The following NXPH1 variants were observed in gnomAD, a reference collection of about 807,000 sequenced individuals.
NXPH1 encodes the protein neurexophilin 1.
Under a neutral mutation model 23.7 loss-of-function variants are expected in NXPH1, and 5 were observed. The ratio of observed to expected loss-of-function variants is 0.21; its 90% CI spans 0.11 to 0.44. The LOEUF (loss-of-function observed/expected upper bound fraction) is 0.44, where lower values mean the gene tolerates loss of function less well. Among genes scored for constraint, NXPH1 ranks in the 20% least tolerant of loss-of-function variants. NXPH1 has a pLI of 0.99. For synonymous variants in NXPH1, 144 were observed against 122.2 expected (o/e 1.18, Z -1.18); for missense variants, 324 against 321.6 (o/e 1.01, Z -0.06).
chr7:8,517,898 T>G (rs1426462894), intron 2 of NXPH1, among the ~76,000 whole-genome samples: 1 of 152,158 alleles, frequency 6.6e-6, no homozygotes, highest in Non-Finnish European at 1.5e-5. Flanking sequence ...GGACCATGTT[T>G]TGGTGAACAG....
chr7:8,509,032 G>C (rs1241640744), intron 2 of NXPH1, among the ~76,000 whole-genome samples: 1 of 152,010 alleles, frequency 6.6e-6, no homozygotes, highest in Non-Finnish European at 1.5e-5. Context: ...CTTGTTTTTA[G>C]ATGACCAAAT....
In NXPH1 at chr7:8,435,870, G is replaced by A; in HGVS notation, c.54+103G>A. On this transcript the variant is annotated intron_variant, in intron 2 of 2. Coordinates refer to ENST00000405863, the MANE Select transcript of NXPH1 (RefSeq NM_152745.3). This position sits in a 1 kb window ranked among gnomAD's most constrained non-coding sequence, Gnocchi z 5.9. ...GGGTTACGCCGCCAGTTCAGTGAGA[G>A]CAGCTTCCTAGCAGCTGTGTTGGAG... The A allele has an allele frequency of 9.2e-7, 1 of 1,081,962 alleles. No homozygotes were observed. Among genetic ancestry groups the A allele is most frequent in the Non-Finnish European group, 1.4e-6 (1 of 696,750 alleles). 67.0% of individuals were successfully genotyped at this position (1,081,962 alleles called of 1,614,324 possible).
chr7:8,479,360 T>C (rs536099600), intron 2 of NXPH1, among the ~76,000 whole-genome samples: 3 of 152,302 alleles, frequency 2.0e-5, no homozygotes, highest in South Asian at 4.1e-4. Context: ...GATTTTCTAA[T>C]TCTGTCATTC....
intron 2 of NXPH1, among the ~76,000 whole-genome samples, chr7:8,541,157 G>C (rs1818110664): frequency 6.6e-6 from 1 of 151,582 alleles, no homozygotes; most frequent in Non-Finnish European, 1.5e-5. Context: ...TGGAAGAGAT[G>C]GACTTCAAGG....
chr7:8,659,604 G>T (rs1157581739), intron 2 of NXPH1, among the ~76,000 whole-genome samples: 2 of 152,068 alleles, frequency 1.3e-5, no homozygotes, highest in African/African-American at 4.8e-5. Context: ...AGTGGGGAGG[G>T]ATACCATTAG....
chr7:8,677,583 T>G (rs1232035027), intron 2 of NXPH1, among the ~76,000 whole-genome samples: 4 of 152,122 alleles, frequency 2.6e-5, no homozygotes, highest in Non-Finnish European at 1.5e-5. Context: ...GGTATTAGAA[T>G]GTGAAGTCTG....
chr7:8,633,432 T>C (rs6949492), intron 2 of NXPH1, among the ~76,000 whole-genome samples: 41,956 of 152,104 alleles, frequency 0.28, 6,260 homozygotes, highest in African/African-American at 0.35. Flanking sequence ...AAAAAAGACA[T>C]CCTTGTTGAT....
chr7:8,474,402 G>T (rs1298663042), intron 2 of NXPH1, among the ~76,000 whole-genome samples: 2 of 152,024 alleles, frequency 1.3e-5, no homozygotes, highest in East Asian at 3.9e-4. Flanking sequence ...GAAATATAGA[G>T]AAGTCTAAAA....
At chr7:8,595,301 T>A (rs933992360) in intron 2 of NXPH1, among the ~76,000 whole-genome samples, 1 of 151,976 alleles carries the variant, frequency 6.6e-6, no homozygotes, top group Non-Finnish European at 1.5e-5. Flanking sequence ...ACAACAAATA[T>A]GCATTTAAAG....
chr7:8,498,791 C>T (rs1447905371), intron 2 of NXPH1, among the ~76,000 whole-genome samples: 1 of 151,894 alleles, frequency 6.6e-6, no homozygotes, highest in Non-Finnish European at 1.5e-5. Flanking sequence ...CCAAGTTGTT[C>T]TAAGAGCTTA....
At chr7:8,532,696 C>G (rs1817967444) in intron 2 of NXPH1, among the ~76,000 whole-genome samples, 2 of 152,078 alleles carry the variant, frequency 1.3e-5, no homozygotes, top group Non-Finnish European at 2.9e-5. Context: ...TCTGATTATG[C>G]TGGTGGTGGT....
intron 2 of NXPH1, among the ~76,000 whole-genome samples, chr7:8,678,781 A>C (rs1431691444): frequency 6.6e-6 from 1 of 151,896 alleles, no homozygotes; most frequent in Non-Finnish European, 1.5e-5. Flanking sequence ...GGAAAAAAAA[A>C]ATAGTCCTCT....
chr7:8,669,705 A>G (rs939759186), intron 2 of NXPH1, among the ~76,000 whole-genome samples: 2 of 152,130 alleles, frequency 1.3e-5, no homozygotes, highest in Admixed American at 6.5e-5. Context: ...TCCAAGGCCA[A>G]GTCCACTGCT....
chr7:8,617,841 G>T (rs1819778793), intron 2 of NXPH1, among the ~76,000 whole-genome samples: 1 of 151,960 alleles, frequency 6.6e-6, no homozygotes, highest in Admixed American at 6.6e-5. Context: ...TGAGGGGATG[G>T]GTACCCCATT....
chr7:8,470,177 C>CTTACAAAGAAAAGTCTACTTCCCAT (rs1816849967), intron 2 of NXPH1, among the ~76,000 whole-genome samples: 2 of 152,108 alleles, frequency 1.3e-5, no homozygotes, highest in Admixed American at 1.3e-4. Context: ...ACATGTCAGG[C>CTTACAAAGAAAAGTCTACTTCCCAT]TTACAAAGAA....
rs539067252 is a variant in NXPH1, at chr7:8,499,298, T to C, written c.54+63531T>C. Among the ~76,000 whole-genome samples, 361 of 152,202 alleles carry C rather than the reference T, an allele frequency of 2.4e-3. 1 individual carries two copies. Among genetic ancestry groups the C allele is most frequent in the Non-Finnish European group, 4.0e-3 (273 of 67,966 alleles). ...AGACAGCACAGACAGAATGCCCAGG[T>C]GACCCCCAGCTGTGACAGCTGTACA... is the stretch of plus-strand genomic sequence containing the variant. On this transcript the variant is annotated intron_variant, in intron 2 of 2. Transcript: ENST00000405863.
chr7:8,436,467 G>A (rs558110184), intron 2 of NXPH1, among the ~76,000 whole-genome samples: 4 of 152,292 alleles, frequency 2.6e-5, no homozygotes, highest in Admixed American at 6.5e-5. Context: ...AAACAAAGCC[G>A]CGGTCCTTGT....
intron 2 of NXPH1, among the ~76,000 whole-genome samples, chr7:8,507,752 G>A (rs1447762019): frequency 3.9e-5 from 6 of 152,060 alleles, no homozygotes; most frequent in African/African-American, 1.2e-4. Flanking sequence ...ACAAACATTT[G>A]TCACCCTCTC....
chr7:8,662,209 C>A (rs1011161644), intron 2 of NXPH1, among the ~76,000 whole-genome samples: 4 of 138,436 alleles, frequency 2.9e-5, no homozygotes, highest in African/African-American at 1.0e-4. Context: ...TATATATACA[C>A]ACACATGTAT....
Sources: gnomAD v4.1 joint callset for allele counts (sites outside exome capture counted in the v4.1 genomes callset) on GRCh38, gnomAD v4.1.1 for gene constraint, Gnocchi (gnomAD v3.1) non-coding constraint, MANE v1.5 for transcripts, NCBI Gene and HGNC (gene_info 2026-07-23, HGNC 2026-07-21) for gene names.